Variants in FBXL13 observed in about 807,000 individuals in gnomAD.
FBXL13 encodes F-box and leucine-rich repeat protein 13.
FBXL13 carries 67 observed loss-of-function variants against 83.6 expected under a neutral mutation model. That is an observed-to-expected ratio of 0.80 (90% CI 0.66 to 0.98). The LOEUF (loss-of-function observed/expected upper bound fraction) is 0.98. FBXL13 is among the 50% of genes least tolerant of loss of function. FBXL13 has a pLI of 0.00. For missense variants in FBXL13, 822 were observed against 866.5 expected (o/e 0.95, Z 0.64); for synonymous variants, 272 against 299.5 (o/e 0.91, Z 0.95).
chr7:102,951,448 C>A (rs1348422514), intron 8 of FBXL13, among the ~76,000 whole-genome samples: 1 of 149,682 alleles, frequency 6.7e-6, no homozygotes. Flanking sequence ...AAATCAATAA[C>A]CTAACTTTTA....
At position 102,962,994 on chromosome 7, in the gene FBXL13, T is replaced by A. The variant is rs1465670509; in HGVS notation, c.724+539A>T. 7.6e-4 allele frequency among the ~76,000 whole-genome samples: 105 copies of A among 138,896 alleles called. 1 individual carries two copies. Among genetic ancestry groups the A allele is most frequent in the African/African-American group, 2.8e-3 (103 of 36,318 alleles). The allele number at this position is 138,896 out of a possible 152,430, so 91.1% of individuals were successfully genotyped here. ...ACTTAAAGGATAATAAAAATATATA[T>A]ATATATATATATAAAAAAAAAAAAA... On this transcript the variant is annotated intron_variant, in intron 8 of 19. Transcript: ENST00000313221.
chr7:103,071,365 G>A (rs1031491564), intron 1 of FBXL13, among the ~76,000 whole-genome samples: 1 of 151,908 alleles, frequency 6.6e-6, no homozygotes, highest in Non-Finnish European at 1.5e-5. Flanking sequence ...GACCAAGCAG[G>A]ATTGTTTAAA....
intron 6 of FBXL13, among the ~76,000 whole-genome samples, chr7:102,983,735 T>G (rs532499030): frequency 1.3e-5 from 2 of 152,180 alleles, no homozygotes; most frequent in Admixed American, 1.3e-4. Flanking sequence ...ACCCATTCTT[T>G]CCCAGTCAAC....
chr7:102,972,002 GGAGACA>G (rs1204852299), intron 6 of FBXL13, among the ~76,000 whole-genome samples: 1 of 151,252 alleles, frequency 6.6e-6, no homozygotes, highest in Non-Finnish European at 1.5e-5. Context: ...TTCCAGCCTG[GGAGACA>G]GAGTGAGAGT....
intron 8 of FBXL13, among the ~76,000 whole-genome samples, chr7:102,939,003 C>G (rs558308407): frequency 9.2e-5 from 14 of 152,278 alleles, no homozygotes; most frequent in African/African-American, 3.1e-4. Flanking sequence ...ACATTTTTTT[C>G]GACCCATTTA....
intron 2 of FBXL13, among the ~76,000 whole-genome samples, chr7:103,049,576 A>G (rs1221668859): frequency 6.6e-6 from 1 of 152,184 alleles, no homozygotes; most frequent in Non-Finnish European, 1.5e-5. Context: ...ACCAGTTTTT[A>G]AGTTTCTTAA....
intron 8 of FBXL13, among the ~76,000 whole-genome samples, chr7:102,953,195 A>T (rs898257197): frequency 6.6e-6 from 1 of 152,216 alleles, no homozygotes; most frequent in Non-Finnish European, 1.5e-5. Flanking sequence ...CAAAGACATC[A>T]CAAGAAGGAA....
intron 8 of FBXL13, among the ~76,000 whole-genome samples, chr7:102,948,433 C>CT (rs1175532648): frequency 7.9e-5 from 12 of 151,500 alleles, no homozygotes; most frequent in African/African-American, 2.4e-4. Context: ...TATTTATTTT[C>CT]TTTTTTTTGA....
intron 8 of FBXL13, among the ~76,000 whole-genome samples, chr7:102,951,928 T>C (rs2129477290): frequency 6.6e-6 from 1 of 152,192 alleles, no homozygotes; most frequent in East Asian, 1.9e-4. Flanking sequence ...TCACAATACC[T>C]AAAAGACTGA....
intron 11 of FBXL13, among the ~76,000 whole-genome samples, chr7:102,904,962 T>C (rs1004846921): frequency 2.0e-5 from 3 of 152,212 alleles, no homozygotes; most frequent in Non-Finnish European, 2.9e-5. Context: ...TATTCCATTG[T>C]AGTCAGAGAG....
At chr7:102,847,055 T>TA (rs771757761) in intron 17 of FBXL13, among the ~76,000 whole-genome samples, 1 of 152,254 alleles carries the variant, frequency 6.6e-6, no homozygotes, top group Non-Finnish European at 1.5e-5. Flanking sequence ...TGTCCATAAA[T>TA]AAAGTTTTAT....
chr7:102,909,295 G>A (rs1440157831), intron 11 of FBXL13, among the ~76,000 whole-genome samples: 3 of 152,076 alleles, frequency 2.0e-5, no homozygotes, highest in African/African-American at 4.8e-5. Context: ...CTTCAGGGCA[G>A]TGGGTTCCCC....
intron 8 of FBXL13, among the ~76,000 whole-genome samples, chr7:102,945,373 C>T (rs1021311219): frequency 4.6e-5 from 7 of 152,082 alleles, no homozygotes; most frequent in African/African-American, 1.7e-4. Flanking sequence ...AGGGTTCATA[C>T]TGGGAATCCA....
chr7:103,046,218 T>C lies in FBXL13; in HGVS notation c.-1+9426A>G, dbSNP rs113161529. Among the ~76,000 whole-genome samples the C allele has an allele frequency of 4.9e-4, 74 of 152,314 alleles. No homozygotes were observed. In the East Asian group the frequency reaches 7.7e-3, roughly 16 times the overall value. On this transcript the variant is annotated intron_variant, in intron 2 of 19. Coordinates refer to ENST00000313221, the Ensembl canonical transcript of FBXL13. ...AATCTACGTTTGATGTATTTCTCCATAGGCCACAAGTGTCAGAAGCTGCAC... is the reference window on the plus strand; with the variant it reads ...AATCTACGTTTGATGTATTTCTCCACAGGCCACAAGTGTCAGAAGCTGCAC...
intron 8 of FBXL13, chr7:102,944,786 C>T (rs1485647189): frequency 5.4e-6 from 3 of 560,074 alleles, no homozygotes; most frequent in Non-Finnish European, 8.9e-6. Flanking sequence ...TGCTATCATC[C>T]TGCTTGCCTG....
chr7:102,950,749 A>C (rs1823271839), intron 8 of FBXL13, among the ~76,000 whole-genome samples: 1 of 152,226 alleles, frequency 6.6e-6, no homozygotes, highest in African/African-American at 2.4e-5. Context: ...AAGGAAGCCC[A>C]TCCAAAAAGG....
intron 2 of FBXL13, chr7:103,031,176 G>C (rs2129489366): frequency 6.6e-6 from 1 of 152,382 alleles, no homozygotes; most frequent in East Asian, 1.9e-4. Context: ...GCAGCTCCAA[G>C]GAATCTCTGG....
intron 11 of FBXL13, among the ~76,000 whole-genome samples, chr7:102,889,709 G>A (rs939106054): frequency 6.6e-6 from 1 of 152,024 alleles, no homozygotes; most frequent in African/African-American, 2.4e-5. Context: ...ATGATTTCCA[G>A]CTTCATTCAT....
At chr7:102,874,390 A>C (rs767172363) in intron 16 of FBXL13, 1 of 984,930 alleles carries the variant, frequency 1.0e-6, no homozygotes, top group African/African-American at 1.7e-5. Context: ...AGTTTAACTG[A>C]CTTGGAGGAA....
Sources: gnomAD v4.1 joint callset for allele counts (sites outside exome capture counted in the v4.1 genomes callset) on GRCh38, gnomAD v4.1.1 for gene constraint, MANE v1.5 for transcripts, NCBI Gene and HGNC (gene_info 2026-07-23, HGNC 2026-07-21) for gene names.